KCNT2: variants seen among roughly 807,000 people sequenced by gnomAD.
KCNT2 encodes the protein potassium sodium-activated channel subfamily T member 2.
A neutral mutation model predicts 153.8 loss-of-function variants in KCNT2; 67 were observed. That is an observed-to-expected ratio of 0.44 (90% CI 0.36 to 0.53). The LOEUF (loss-of-function observed/expected upper bound fraction) is 0.53. Among genes scored for constraint, KCNT2 ranks in the 20% least tolerant of loss-of-function variants. The pLI is 0.00. For synonymous variants in KCNT2, 500 were observed against 458.8 expected (o/e 1.09, Z -1.15); for missense variants, 975 against 1,354.8 (o/e 0.72, Z 4.40).
At chr1:196,474,507 G>A (rs1470588602) in intron 5 of KCNT2, among the ~76,000 whole-genome samples, 1 of 152,130 alleles carries the variant, frequency 6.6e-6, no homozygotes, top group Non-Finnish European at 1.5e-5. Flanking sequence ...GTATTCAGGA[G>A]TCCTGGACTA....
At position 196,532,896 on chromosome 1, in the gene KCNT2, C is replaced by A. The variant is rs571534303; in HGVS notation, c.96-40555G>T. Among the ~76,000 whole-genome samples the A allele has an allele frequency of 4.5e-4, 68 of 152,162 alleles. 1 individual carries two copies. The highest frequency in any genetic ancestry group is 4.1e-3 in the Admixed American group (63 of 15,262). ...ACAAAGGAGCTCGGGCTGCTAACTT[C>A]TCCATATCATCTTGGGAATATAATT... On this transcript the variant is annotated intron_variant, in intron 1 of 27. Transcript: ENST00000294725.
In KCNT2 at chr1:196,225,900, T is replaced by C. The variant is rs1377017704; in HGVS notation, c.*2324A>G. 1 of 152,118 alleles carries C rather than the reference T, an allele frequency of 6.6e-6. No homozygotes were observed. The highest frequency in any genetic ancestry group is 2.4e-5 in the African/African-American group (1 of 41,460). 9.4% of individuals were successfully genotyped at this position (152,118 alleles called of 1,614,324 possible). A position where few individuals can be genotyped will look rare whatever the true frequency, so the allele number is the denominator to read the frequency against. On this transcript the variant is annotated 3_prime_UTR_variant, in exon 28 of 28. Coordinates refer to ENST00000294725, the MANE Select transcript of KCNT2 (RefSeq NM_198503.5). ...TGGGCTACAAGGACTATTATTGACTTTATATTTTATTTTCATGTGCAAGTA... is the reference window on the plus strand; with the variant it reads ...TGGGCTACAAGGACTATTATTGACTCTATATTTTATTTTCATGTGCAAGTA...
chr1:196,463,262 A>G (rs1343633401), intron 8 of KCNT2, among the ~76,000 whole-genome samples: 3 of 151,812 alleles, frequency 2.0e-5, no homozygotes, highest in Non-Finnish European at 4.4e-5. Context: ...CTAAGATATA[A>G]CTAATATATA....
intron 1 of KCNT2, among the ~76,000 whole-genome samples, chr1:196,563,101 C>T (rs1659638308): frequency 6.6e-6 from 1 of 151,940 alleles, no homozygotes; most frequent in African/African-American, 2.4e-5. Flanking sequence ...CCCAAAATTG[C>T]CAAAAATGTA....
rs143651010 is a variant in KCNT2, at chr1:196,594,073, T to G, written c.95+14142A>C. ...TACCACTACCTATGTGAGTATGAGA[T>G]GGAGTTGATCATTTACAACACCTCC... On this transcript the variant is annotated intron_variant, in intron 1 of 27. Coordinates refer to ENST00000294725, the MANE Select transcript of KCNT2 (RefSeq NM_198503.5). Among the ~76,000 whole-genome samples, 5 of 152,212 alleles carry G rather than the reference T, an allele frequency of 3.3e-5. No homozygotes were observed. The South Asian group carries it at 1.0e-3, about 32-fold the overall frequency.
At chr1:196,278,934 TA>T (rs1658832016) in intron 25 of KCNT2, among the ~76,000 whole-genome samples, 1 of 152,190 alleles carries the variant, frequency 6.6e-6, no homozygotes, top group Admixed American at 6.5e-5. Context: ...AAGAGCCTTA[TA>T]AAAGAGGACT....
At chr1:196,571,361 T>C (rs1003618593) in intron 1 of KCNT2, among the ~76,000 whole-genome samples, 1 of 152,018 alleles carries the variant, frequency 6.6e-6, no homozygotes, top group Non-Finnish European at 1.5e-5. Context: ...GGAGAAAGAA[T>C]GAGAGAGGTA....
chr1:196,469,092 A>T, intron 5 of KCNT2, 24 bp from the exon 6 acceptor site: 1 of 1,452,656 alleles, frequency 6.9e-7, no homozygotes, highest in Non-Finnish European at 9.6e-7. Context: ...ATGAATAAAA[A>T]CGAAAGTCAA....
At chr1:196,341,943 A>G in intron 15 of KCNT2, 136 bp downstream of exon 15, 1 of 748,158 alleles carries the variant, frequency 1.3e-6, no homozygotes. Flanking sequence ...ATGTTTCAAC[A>G]TTGGGGAATA....
chr1:196,569,274 T>C (rs1660486907), intron 1 of KCNT2, among the ~76,000 whole-genome samples: 2 of 152,200 alleles, frequency 1.3e-5, no homozygotes. Flanking sequence ...CAGGATCATA[T>C]TGTTTTAATA....
At position 196,457,244 on chromosome 1, in the gene KCNT2, A is replaced by AAAT. The variant is rs1017401194; in HGVS notation, c.638+8046_638+8048dup. Among the ~76,000 whole-genome samples, 4 of 151,814 alleles carry AAAT rather than the reference A, an allele frequency of 2.6e-5. No individual in the cohort carries two copies. In the East Asian group the frequency reaches 5.9e-4, roughly 22 times the overall value. On this transcript the variant is annotated intron_variant, in intron 8 of 27. Transcript: ENST00000294725. ...AAACACTGTTCTCACACTAAAAATTAAATAATAATAATAATAATTTATTGG... is the reference window on the plus strand; with the variant it reads ...AAACACTGTTCTCACACTAAAAATTAAATAATAATAATAATAATAATTTATTGG...
chr1:196,434,609 C>A (rs1403939189), intron 8 of KCNT2, among the ~76,000 whole-genome samples: 1 of 151,884 alleles, frequency 6.6e-6, no homozygotes, highest in African/African-American at 2.4e-5. Flanking sequence ...ATAATAGCTG[C>A]CAACAAATGA....
chr1:196,450,670 A>G (rs949404869), intron 8 of KCNT2, among the ~76,000 whole-genome samples: 11 of 151,766 alleles, frequency 7.2e-5, no homozygotes, highest in Non-Finnish European at 1.5e-4. Flanking sequence ...CTTCCTTGCT[A>G]CCATTCTAGG....
rs112968864 is a variant in KCNT2 at position 196,298,183 on chromosome 1, C to T, written c.2595+7051G>A. On this transcript the variant is annotated intron_variant, in intron 22 of 27. Coordinates refer to ENST00000294725, the MANE Select transcript of KCNT2 (RefSeq NM_198503.5). The stretch of plus-strand genomic sequence containing the variant: ...CTGACATAAATTCTGTTGCATCAAG[C>T]GTGCATCCTACAATTAAGTGCAATT... Among the ~76,000 whole-genome samples the T allele has an allele frequency of 6.9e-3, 1,045 of 152,188 alleles. 12 individuals are homozygous for T. Among genetic ancestry groups the T allele is most frequent in the African/African-American group, 0.021 (890 of 41,520 alleles).
chr1:196,294,744 G>A (rs1204184604), intron 22 of KCNT2, among the ~76,000 whole-genome samples: 1 of 151,546 alleles, frequency 6.6e-6, no homozygotes, highest in East Asian at 1.9e-4. Flanking sequence ...GCCAAGATAT[G>A]GAAGCAACCT....
intron 25 of KCNT2, among the ~76,000 whole-genome samples, chr1:196,268,832 A>C (rs990911654): frequency 6.6e-6 from 1 of 152,036 alleles, no homozygotes; most frequent in African/African-American, 2.4e-5. Context: ...AACTCAACAA[A>C]AACTCTTGGG....
At chr1:196,272,662 C>T (rs1658181533) in intron 25 of KCNT2, among the ~76,000 whole-genome samples, 1 of 151,790 alleles carries the variant, frequency 6.6e-6, no homozygotes, top group Admixed American at 6.6e-5. Context: ...GATTAACGCC[C>T]CAAGGTGATG....
intron 1 of KCNT2, among the ~76,000 whole-genome samples, chr1:196,582,203 G>A (rs1662143829): frequency 6.6e-6 from 1 of 151,818 alleles, no homozygotes; most frequent in African/African-American, 2.4e-5. Context: ...CAAGTTCCTG[G>A]CTCTGCCATT....
intron 1 of KCNT2, among the ~76,000 whole-genome samples, chr1:196,527,125 A>G (rs1538681): frequency 0.98 from 149,697 of 152,268 alleles, 73,628 homozygotes; most frequent in Middle Eastern, 1. Context: ...CCACTGGTCT[A>G]TGGGAAAACT....
Sources: gnomAD v4.1 joint callset for allele counts (sites outside exome capture counted in the v4.1 genomes callset) on GRCh38, gnomAD v4.1.1 for gene constraint, MANE v1.5 for transcripts, NCBI Gene and HGNC (gene_info 2026-07-23, HGNC 2026-07-21) for gene names.